Variants in TRIP12 observed in about 807,000 individuals in gnomAD.
TRIP12 encodes the protein E3 ubiquitin-protein ligase TRIP12.
TRIP12 carries 25 observed loss-of-function variants against 244.2 expected under a neutral mutation model. The observed-to-expected ratio is 0.10, with a 90% CI of 0.07 to 0.14. The LOEUF is 0.14. Among genes scored for constraint, TRIP12 ranks in the 10% least tolerant of loss-of-function variants. The probability of loss-of-function intolerance (pLI) is 1.00; values close to 1 mark genes in which losing one functional copy is unlikely to be tolerated. For missense variants in TRIP12, 1,677 were observed against 2,486.4 expected (o/e 0.67, Z 6.92); for synonymous variants, 905 against 873.1 (o/e 1.04, Z -0.64).
chr2:229,823,674 CA>C (rs35324005), intron 8 of TRIP12, among the ~76,000 whole-genome samples: 71 of 134,976 alleles, frequency 5.3e-4, no homozygotes, highest in Non-Finnish European at 7.2e-4. Flanking sequence ...GACTCTGTCT[CA>C]AAAAAAAAAA....
intron 1 of TRIP12, among the ~76,000 whole-genome samples, chr2:229,882,536 G>A (rs550602059): frequency 6.6e-6 from 1 of 152,114 alleles, no homozygotes; most frequent in Non-Finnish European, 1.5e-5. Context: ...GCACATCAAA[G>A]AATAAAAGGC....
At chr2:229,814,127 C>T (rs1216202682) in intron 12 of TRIP12, 96 bp from the exon 13 acceptor site, 1 of 1,521,874 alleles carries the variant, frequency 6.6e-7, no homozygotes, top group African/African-American at 1.4e-5. Flanking sequence ...ACTCTGGAAA[C>T]AACATTTGTA....
At chr2:229,881,173 GA>G (rs1472806898) in intron 1 of TRIP12, among the ~76,000 whole-genome samples, 17 of 152,288 alleles carry the variant, frequency 1.1e-4, no homozygotes, top group African/African-American at 3.6e-4. Context: ...AAGAAATTGC[GA>G]AAGTATTTTT....
Position 229,797,673 on chromosome 2 carries a change from T to C in TRIP12, c.3624+17A>G, listed in dbSNP as rs2043157517. 4.4e-6 allele frequency: 7 copies of C among 1,608,044 alleles called. No homozygotes were observed. The highest frequency in any genetic ancestry group is 5.9e-6 in the Non-Finnish European group (7 of 1,177,630). ...AAGAGACTGAAAAAGACCAGCAAAA[T>C]GCACTGGACACAGCACCTGGAGGTT... On this transcript the variant is annotated intron_variant, in intron 24 of 41. Coordinates refer to ENST00000675903, the MANE Select transcript of TRIP12 (RefSeq NM_001348323.3).
rs752513728 is a variant in TRIP12 at position 229,778,728 on chromosome 2, G to A, written c.5210-141C>T. On this transcript the variant is annotated intron_variant, in intron 35 of 41. Coordinates refer to ENST00000675903, the MANE Select transcript of TRIP12 (RefSeq NM_001348323.3). The surrounding 1 kb of genome is among the most constrained non-coding windows in gnomAD (Gnocchi z 4.1). ...GAATGAAGTCCTCTAGAACTGGACA[G>A]GCCTTCCCTATTTGATAAATGAGAA... is the stretch of plus-strand genomic sequence containing the variant. 4.1e-5 allele frequency: 55 copies of A among 1,343,646 alleles called. No homozygotes were observed. The highest frequency in any genetic ancestry group is 4.0e-5 in the Non-Finnish European group (39 of 974,200). 83.2% of individuals were successfully genotyped at this position (1,343,646 alleles called of 1,614,324 possible).
intron 8 of TRIP12, among the ~76,000 whole-genome samples, chr2:229,823,952 A>G (rs977074037): frequency 6.6e-6 from 1 of 152,168 alleles, no homozygotes; most frequent in Non-Finnish European, 1.5e-5. Context: ...CCTTTAAAGA[A>G]AAAAGAAACT....
chr2:229,919,394 G>A lies in TRIP12; in HGVS notation c.-50+2486C>T, dbSNP rs536463343. 4.9e-4 allele frequency among the ~76,000 whole-genome samples: 74 copies of A among 150,734 alleles called. 1 individual carries two copies. The highest frequency in any genetic ancestry group is 1.0e-3 in the African/African-American group (43 of 41,244). On this transcript the variant is annotated intron_variant, in intron 1 of 41. Transcript: ENST00000675903. ...TGCACCACTGCACTCCAGCCTAGGC[G>A]ACAGAGCAAGATTCTGCTTTAAAAA...
At position 229,796,945 on chromosome 2, in the gene TRIP12, AAC is replaced by A. The variant is rs58071278; in HGVS notation, c.3625-165_3625-164del. On this transcript the variant is annotated intron_variant, in intron 24 of 41. Transcript: ENST00000675903. The stretch of plus-strand genomic sequence containing the variant: ...TAAATCCTTGGAAATTATGATTTTA[AAC>A]ACACACACACACACACTAAATATTT... Among the ~76,000 whole-genome samples, 77,186 of 151,350 alleles carry A rather than the reference AAC, an allele frequency of 0.51. 20,165 individuals carry two copies. The highest frequency in any genetic ancestry group is 0.63 in the African/African-American group (25,815 of 41,218).
At chr2:229,915,955 A>T (rs1427183939) in intron 1 of TRIP12, among the ~76,000 whole-genome samples, 2 of 152,186 alleles carry the variant, frequency 1.3e-5, no homozygotes, top group Non-Finnish European at 2.9e-5. Flanking sequence ...TCAGCCTCCC[A>T]AAGTTCTGGA....
Position 229,834,555 on chromosome 2 carries a change from T to G in TRIP12, c.1270+2293A>C, listed in dbSNP as rs192877848. Among the ~76,000 whole-genome samples, 45 of 152,170 alleles carry G rather than the reference T, an allele frequency of 3.0e-4. No homozygotes were observed. The East Asian group carries it at 7.1e-3, about 24-fold the overall frequency. ...TGGGCAGATCACTTGAGGTCAGGAG[T>G]TGGACAGCAGCCCGGCCAACATGGT... On this transcript the variant is annotated intron_variant, in intron 6 of 41. Coordinates refer to ENST00000675903, the MANE Select transcript of TRIP12 (RefSeq NM_001348323.3).
intron 2 of TRIP12, among the ~76,000 whole-genome samples, chr2:229,873,776 T>C (rs1451196243): frequency 6.6e-6 from 1 of 152,190 alleles, no homozygotes. Flanking sequence ...CTATATCCTA[T>C]ATTTCTCACA....
upstream of TRIP12, chr2:229,922,637 C>T (rs771344759): frequency 5.6e-6 from 9 of 1,609,756 alleles, no homozygotes; most frequent in East Asian, 4.5e-5. Flanking sequence ...TTTACCCTCT[C>T]TCCTAACTCC....
chr2:229,901,810 T>C (rs2070972289), intron 1 of TRIP12, among the ~76,000 whole-genome samples: 1 of 151,968 alleles, frequency 6.6e-6, no homozygotes, highest in African/African-American at 2.4e-5. Context: ...GAGAAGAAGA[T>C]AAGAAGAAGT....
Position 229,787,649 on chromosome 2 carries a change from A to T in TRIP12, c.4851T>A (p.Phe1617Leu). ...AAAGCATTTGCCGGGTATCAAAAGG[A>T]AAGAAAAATGGGCTGTAAAAAGATG... ...TELGKTCPFF[F>L]PFDTRQMLFY... The change falls in exon 33 of 42, where the codon TTT becomes TTA. Residue 1617 changes from phenylalanine to leucine, a missense_variant. Transcript: ENST00000675903. 6.2e-7 allele frequency: 1 copy of T among 1,605,704 alleles called. No individual in the cohort carries two copies. The highest frequency in any genetic ancestry group is 8.5e-7 in the Non-Finnish European group (1 of 1,176,452).
intron 2 of TRIP12, among the ~76,000 whole-genome samples, chr2:229,878,061 T>C (rs1382357430): frequency 6.6e-6 from 1 of 152,128 alleles, no homozygotes; most frequent in African/African-American, 2.4e-5. Context: ...TTACCAATAA[T>C]CCTATGAAAT....
intron 34 of TRIP12, among the ~76,000 whole-genome samples, 197 bp downstream of exon 34, chr2:229,785,560 T>C (rs898299454): frequency 6.6e-6 from 1 of 152,246 alleles, no homozygotes; most frequent in Non-Finnish European, 1.5e-5. Flanking sequence ...AATGTGTTCT[T>C]ACGCCAGGAA....
intron 4 of TRIP12, among the ~76,000 whole-genome samples, chr2:229,848,785 T>A (rs1347904524): frequency 2.0e-5 from 3 of 152,148 alleles, no homozygotes. Context: ...ATGGTGCCAG[T>A]ATTGAAAGAC....
At chr2:229,846,368 T>C (rs1205822937) in intron 4 of TRIP12, among the ~76,000 whole-genome samples, 38 of 152,200 alleles carry the variant, frequency 2.5e-4, no homozygotes, top group Admixed American at 2.5e-3. Flanking sequence ...TGAGGCAAGA[T>C]CATCCACCAG....
chr2:229,846,605 T>C (rs981325035), intron 4 of TRIP12, among the ~76,000 whole-genome samples: 2 of 152,302 alleles, frequency 1.3e-5, no homozygotes, highest in Non-Finnish European at 2.9e-5. Context: ...GGCTGGGAAC[T>C]GAGTGCATTA....
Sources: gnomAD v4.1 joint callset for allele counts (sites outside exome capture counted in the v4.1 genomes callset) on GRCh38, gnomAD v4.1.1 for gene constraint, Gnocchi (gnomAD v3.1) non-coding constraint, MANE v1.5 for transcripts, NCBI Gene and HGNC (gene_info 2026-07-23, HGNC 2026-07-21) for gene names.